GDAP1: variants seen among roughly 807,000 people sequenced by gnomAD.
The protein encoded by GDAP1 is ganglioside-induced differentiation-associated protein 1.
In GDAP1, 34 loss-of-function variants were observed where a neutral mutation model predicts 40.1. The ratio of observed to expected loss-of-function variants is 0.85; its 90% CI spans 0.64 to 1.13. The LOEUF is 1.13. Among genes scored for constraint, GDAP1 ranks in the 50% most tolerant of loss-of-function variants. The pLI is 0.00. For synonymous variants in GDAP1, 170 were observed against 157.4 expected, an observed-to-expected ratio of 1.08 and a Z score of -0.60; for missense variants, 374 against 433.7, an observed-to-expected ratio of 0.86 and a Z score of 1.22.
intron 2 of GDAP1, among the ~76,000 whole-genome samples, chr8:74,425,569 A>T (rs1276859748): frequency 6.6e-6 from 1 of 152,198 alleles, no homozygotes; most frequent in Non-Finnish European, 1.5e-5. Flanking sequence ...AGCGGGGCAA[A>T]CTGTAGCAGT....
At chr8:74,373,623 A>G (rs1486559223) in intron 2 of GDAP1, among the ~76,000 whole-genome samples, 6 of 152,206 alleles carry the variant, frequency 3.9e-5, no homozygotes, top group Non-Finnish European at 7.3e-5. Context: ...CTCAGACTTT[A>G]CTGAAGTTGC....
intron 2 of GDAP1, among the ~76,000 whole-genome samples, chr8:74,458,637 CT>C (rs1195771499): frequency 6.6e-6 from 1 of 152,180 alleles, no homozygotes; most frequent in Admixed American, 6.5e-5. Flanking sequence ...CATTTCAAGA[CT>C]AGTTCTCAAG....
At chr8:74,469,867 G>A (rs199933885) in intron 2 of GDAP1, among the ~76,000 whole-genome samples, 1 of 151,858 alleles carries the variant, frequency 6.6e-6, no homozygotes, top group East Asian at 1.9e-4. Flanking sequence ...CCAGCTACTC[G>A]GGAGGCTGAG....
rs1216915469 is a variant in GDAP1, at chr8:74,365,228, T to G, written c.*861T>G. 4.4e-6 allele frequency: 2 copies of G among 453,990 alleles called. No individual in the cohort carries two copies. The highest frequency in any genetic ancestry group is 4.4e-6 in the Non-Finnish European group (1 of 226,798). The allele number at this position is 453,990 out of a possible 1,614,324, so 28.1% of individuals were successfully genotyped here. A position where few individuals can be genotyped will look rare whatever the true frequency, so the allele number is the denominator to read the frequency against. Reference sequence around the variant, plus strand: ...GCACCAAATATGTTCATTCTTCGTTTGGGGAGGCTGGTCTGTAAACACAAA... The same window carrying G: ...GCACCAAATATGTTCATTCTTCGTTGGGGGAGGCTGGTCTGTAAACACAAA... On this transcript the variant is annotated 3_prime_UTR_variant, in exon 6 of 6. Transcript: ENST00000220822.
At chr8:74,356,326 A>G (rs1358560803) in intron 2 of GDAP1, among the ~76,000 whole-genome samples, 1 of 152,186 alleles carries the variant, frequency 6.6e-6, no homozygotes, top group Non-Finnish European at 1.5e-5. Context: ...GTATCTAACA[A>G]TTGGAACAAA....
chr8:74,478,003 G>T (rs927080667), intron 2 of GDAP1, among the ~76,000 whole-genome samples: 1 of 151,990 alleles, frequency 6.6e-6, no homozygotes, highest in Non-Finnish European at 1.5e-5. Flanking sequence ...TATCCTATGC[G>T]CACATTCGAG....
intron 2 of GDAP1, among the ~76,000 whole-genome samples, chr8:74,356,716 A>ATATATATATATATTTTTTTTTTTTTTTT (rs375377157): frequency 9.6e-6 from 1 of 104,362 alleles, no homozygotes; most frequent in African/African-American, 4.1e-5. Flanking sequence ...ATATATATAT[A>ATATATATATATATTTTTTTTTTTTTTTT]TTTTTTTTTT....
At chr8:74,405,087 C>G (rs1033422655) in intron 2 of GDAP1, among the ~76,000 whole-genome samples, 4 of 150,132 alleles carry the variant, frequency 2.7e-5, no homozygotes, top group Non-Finnish European at 5.9e-5. Flanking sequence ...AATGGACTCA[C>G]AGTTCCAAAT....
intron 2 of GDAP1, among the ~76,000 whole-genome samples, chr8:74,479,171 GTTA>G (rs898351793): frequency 6.6e-6 from 1 of 152,112 alleles, no homozygotes; most frequent in African/African-American, 2.4e-5. Flanking sequence ...TAATAGTGTT[GTTA>G]TTATTATTAC....
intron 2 of GDAP1, among the ~76,000 whole-genome samples, chr8:74,428,926 C>G (rs1456681488): frequency 7.3e-6 from 1 of 136,524 alleles, no homozygotes; most frequent in Non-Finnish European, 1.5e-5. Flanking sequence ...CAAGTGTTCT[C>G]GTTGTTCAAT....
At chr8:74,400,260 A>G (rs1436222325) in intron 2 of GDAP1, among the ~76,000 whole-genome samples, 1 of 149,796 alleles carries the variant, frequency 6.7e-6, no homozygotes, top group African/African-American at 2.6e-5. Context: ...TATATTTAGG[A>G]TAGTTAGCTC....
intron 2 of GDAP1, among the ~76,000 whole-genome samples, chr8:74,487,825 A>G (rs529372703): frequency 6.6e-6 from 1 of 152,310 alleles, no homozygotes; most frequent in South Asian, 2.1e-4. Flanking sequence ...AAAGGCATCC[A>G]TCCTGCCATC....
In GDAP1 at chr8:74,351,259, T is replaced by C. The variant is rs1329769317; in HGVS notation, c.118-15T>C. 5 of 1,608,808 alleles carry C rather than the reference T, an allele frequency of 3.1e-6. No homozygotes were observed. The highest frequency in any genetic ancestry group is 1.3e-5 in the African/African-American group (1 of 74,968). ...AGCTTACATGTGTTGTAGTAACCAG[T>C]GTGAACTCTTCCAGGTGCGCTTGGT... is the stretch of plus-strand genomic sequence containing the variant. On this transcript the variant is annotated splice_polypyrimidine_tract_variant and intron_variant, in intron 1 of 5. Transcript: ENST00000220822.
intron 2 of GDAP1, among the ~76,000 whole-genome samples, chr8:74,457,404 C>T (rs1022181055): frequency 6.6e-6 from 1 of 152,002 alleles, no homozygotes; most frequent in Non-Finnish European, 1.5e-5. Context: ...TATTCAACAA[C>T]AAAATTAAGG....
intron 2 of GDAP1, among the ~76,000 whole-genome samples, chr8:74,420,082 G>A (rs1031336129): frequency 4.6e-5 from 7 of 152,086 alleles, no homozygotes; most frequent in East Asian, 3.9e-4. Flanking sequence ...TTTGAGATTC[G>A]GAAATATGAG....
intron 2 of GDAP1, among the ~76,000 whole-genome samples, chr8:74,409,952 C>A (rs956736704): frequency 6.7e-6 from 1 of 150,048 alleles, no homozygotes; most frequent in Non-Finnish European, 1.5e-5. Flanking sequence ...TTAAAGCCTT[C>A]TTCCCTGGTA....
At chr8:74,420,703 C>T (rs940035219) in intron 2 of GDAP1, among the ~76,000 whole-genome samples, 22 of 151,932 alleles carry the variant, frequency 1.4e-4, no homozygotes, top group African/African-American at 5.1e-4. Flanking sequence ...ATAAAGACAA[C>T]GAACATCAGT....
intron 2 of GDAP1, among the ~76,000 whole-genome samples, chr8:74,389,010 T>A (rs1810067834): frequency 6.6e-6 from 1 of 152,180 alleles, no homozygotes; most frequent in South Asian, 2.1e-4. Context: ...ACCCCTGCTG[T>A]TTTTTGCTTT....
intron 2 of GDAP1, among the ~76,000 whole-genome samples, chr8:74,426,340 C>T (rs1166199675): frequency 6.6e-6 from 1 of 152,148 alleles, no homozygotes; most frequent in Non-Finnish European, 1.5e-5. Flanking sequence ...ACCAGTTTTT[C>T]TACTAATCAA....
Sources: allele counts gnomAD v4.1 joint callset (sites outside exome capture counted in the v4.1 genomes callset), GRCh38; gene constraint gnomAD v4.1.1; transcripts MANE v1.5; gene names NCBI Gene and HGNC (gene_info 2026-07-23, HGNC 2026-07-21).